The following LAT2 variants were observed in gnomAD, a reference collection of about 807,000 sequenced individuals.
LAT2 encodes the protein linker for activation of T cells family member 2, also known as linker for activation of T-cells family member 2.
Under a neutral mutation model 43.4 loss-of-function variants are expected in LAT2, and 23 were observed. The ratio of observed to expected loss-of-function variants is 0.53; its 90% confidence interval spans 0.38 to 0.75. The LOEUF (loss-of-function observed/expected upper bound fraction) is 0.75, where lower values mean the gene tolerates loss of function less well. Ranked by LOEUF, LAT2 falls within the 30% of genes least tolerant of loss-of-function variation. The pLI is 0.00. For synonymous variants in LAT2, 128 were observed against 123.2 expected (o/e 1.04, Z -0.26); for missense variants, 284 against 310.2 (o/e 0.92, Z 0.64).
intron 13 of LAT2, 172 bp downstream of exon 13, chr7:74,224,932 G>C (rs1027469768): frequency 1.9e-6 from 1 of 524,746 alleles, no homozygotes; most frequent in African/African-American, 1.9e-5. Flanking sequence ...CTGTTCCTCT[G>C]TTCTGGCCAG....
At chr7:74,214,737 A>ATAT (rs1801959649) in intron 1 of LAT2, 85 bp from the exon 2 acceptor site, 1 of 102,696 alleles carries the variant, frequency 9.7e-6, no homozygotes, top group African/African-American at 4.4e-5. Context: ...AAATATATAT[A>ATAT]AAAATATATA....
chr7:74,227,630 C>A (rs961100150), intron 13 of LAT2, among the ~76,000 whole-genome samples: 1 of 152,134 alleles, frequency 6.6e-6, no homozygotes, highest in Non-Finnish European at 1.5e-5. Context: ...CCAGGAAGGA[C>A]CCAGGCACTG....
chr7:74,223,496 C>G (rs1303938590), intron 10 of LAT2, among the ~76,000 whole-genome samples: 1 of 152,094 alleles, frequency 6.6e-6, no homozygotes, highest in Non-Finnish European at 1.5e-5. Flanking sequence ...CAACAAGAAA[C>G]AAAGAAGACA....
chr7:74,212,202 C>T (rs1311421696), intron 1 of LAT2, among the ~76,000 whole-genome samples: 1 of 152,116 alleles, frequency 6.6e-6, no homozygotes, highest in Non-Finnish European at 1.5e-5. Context: ...GTCTCGGCCT[C>T]CCAGTGTTGA....
chr7:74,220,804 TCTCC>T lies in LAT2; in HGVS notation c.332+72_332+75del. 9.3e-7 allele frequency: 1 copy of T among 1,070,172 alleles called. No homozygotes were observed. Among genetic ancestry groups the T allele is most frequent in the Non-Finnish European group, 1.2e-6 (1 of 840,280 alleles). The allele number at this position is 1,070,172 out of a possible 1,614,324, so 66.3% of individuals were successfully genotyped here. On this transcript the variant is annotated intron_variant, in intron 9 of 13. Coordinates refer to ENST00000460943, the MANE Select transcript of LAT2 (RefSeq NM_032464.3). The surrounding 1 kb of genome is among the most constrained non-coding windows in gnomAD (Gnocchi z 4.5). Reference sequence around the variant, plus strand: ...GCCCCACCTCTCCCCCTGCCCCACCTCTCCCCCTGCCCCACCTGCCTGCCACAGC... The same window carrying T: ...GCCCCACCTCTCCCCCTGCCCCACCTCCCTGCCCCACCTGCCTGCCACAGC...
rs1554715744 is a variant in LAT2 at position 74,224,203 on chromosome 7, T to C, written c.628+6T>C. ...CGAGTCCAGGAAGGTCATGGGTAGG[T>C]GGCCGGGAGAAGAGGCAGGGTGGTC... On this transcript the variant is annotated splice_donor_region_variant and intron_variant, in intron 12 of 13. Transcript: ENST00000460943. 1.2e-6 allele frequency: 2 copies of C among 1,612,024 alleles called. No homozygotes were observed. Among genetic ancestry groups the C allele is most frequent in the Admixed American group, 1.7e-5 (1 of 60,004 alleles).
intron 10 of LAT2, among the ~76,000 whole-genome samples, chr7:74,222,853 G>GT (rs1554715517): frequency 3.3e-5 from 5 of 152,166 alleles, no homozygotes; most frequent in Non-Finnish European, 5.9e-5. Context: ...GGGATTACAG[G>GT]CATGAGCCAC....
chr7:74,225,150 TG>T (rs1368121682), intron 13 of LAT2: 18 of 161,776 alleles, frequency 1.1e-4, no homozygotes, highest in Non-Finnish European at 2.2e-4. Context: ...CCCGGCACTT[TG>T]GGAGGCCGAG....
intron 5 of LAT2, 70 bp from the exon 6 acceptor site, chr7:74,219,890 G>A: frequency 1.2e-6 from 2 of 1,612,178 alleles, no homozygotes; most frequent in East Asian, 2.2e-5. Flanking sequence ...CCTGATGTGG[G>A]GGGATGATGG....
At chr7:74,214,609 T>TGA (rs1801936767) in intron 1 of LAT2, among the ~76,000 whole-genome samples, 1 of 1,030 alleles carries the variant, frequency 9.7e-4, no homozygotes, top group Admixed American at 0.025. Flanking sequence ...AAAATATATA[T>TGA]AAATATATAT....
intron 10 of LAT2, 142 bp downstream of exon 10, chr7:74,221,834 G>A: frequency 1.6e-6 from 1 of 638,468 alleles, no homozygotes; most frequent in Non-Finnish European, 2.7e-6. Flanking sequence ...GGAGGCTGGT[G>A]CTGCAGGCGG....
At chr7:74,217,313 C>T (rs1802080515) in intron 4 of LAT2, among the ~76,000 whole-genome samples, 1 of 152,122 alleles carries the variant, frequency 6.6e-6, no homozygotes, top group South Asian at 2.1e-4. Flanking sequence ...TCCCTCTACT[C>T]CCAGCTACTC....
chr7:74,227,371 CACA>C (rs1450401791), intron 13 of LAT2, among the ~76,000 whole-genome samples: 2 of 151,984 alleles, frequency 1.3e-5, no homozygotes, highest in Non-Finnish European at 2.9e-5. Context: ...AGGCACACGC[CACA>C]ACACCTGGCT....
intron 13 of LAT2, among the ~76,000 whole-genome samples, chr7:74,228,629 C>CAA (rs1201432512): frequency 6.5e-4 from 51 of 78,068 alleles, no homozygotes; most frequent in African/African-American, 2.0e-3. Context: ...ACTAAAAATA[C>CAA]AAAAAAAAAA....
rs782217957 is a variant in LAT2, at chr7:74,220,252, A to T, written c.263A>T (p.Glu88Val). 1.9e-6 allele frequency: 3 copies of T among 1,611,392 alleles called. No individual in the cohort carries two copies. Among genetic ancestry groups the T allele is most frequent in the Non-Finnish European group, 2.5e-6 (3 of 1,178,356 alleles). Reference sequence around the variant, plus strand: ...CTGTTGCAATTCTACCCCAGCCTGGAGGGTGAGTGGCACAGGGCAGGGACA... The same window carrying T: ...CTGTTGCAATTCTACCCCAGCCTGGTGGGTGAGTGGCACAGGGCAGGGACA... ...DKLLQFYPSLEDPASSRYQNF... is the reference protein window; with the variant it reads ...DKLLQFYPSLVDPASSRYQNF... The change falls in exon 7 of 14, where the codon GAG becomes GTG. Residue 88 changes from glutamate (E) to valine (V), a missense_variant and splice_region_variant. Glu to Val is a moderately radical substitution (Grantham distance 121). Coordinates refer to ENST00000460943, the MANE Select transcript of LAT2 (RefSeq NM_032464.3). This position sits in a 1 kb window ranked among gnomAD's most constrained non-coding sequence, Gnocchi z 4.5.
At chr7:74,222,666 C>T (rs180739889) in intron 10 of LAT2, among the ~76,000 whole-genome samples, 5 of 152,010 alleles carry the variant, frequency 3.3e-5, no homozygotes, top group South Asian at 2.1e-4. Flanking sequence ...CTCCGCCTCC[C>T]GGGTTCAAGC....
intron 1 of LAT2, 133 bp from the exon 2 acceptor site, chr7:74,214,689 T>TAATATATATAAATATATATATGAAAAC (rs1801950755): frequency 4.2e-5 from 3 of 70,630 alleles, no homozygotes; most frequent in Non-Finnish European, 7.3e-5. Context: ...TATATGAAAA[T>TAATATATATAAATATATATATGAAAAC]AATATATATA....
In LAT2 at chr7:74,220,551, G is replaced by A; in HGVS notation, c.266-33G>A. On this transcript the variant is annotated intron_variant, in intron 7 of 13. Coordinates refer to ENST00000460943, the MANE Select transcript of LAT2 (RefSeq NM_032464.3). This position sits in a 1 kb window ranked among gnomAD's most constrained non-coding sequence, Gnocchi z 4.5. ...GAGCTGGGTGCAAAGCAGGGGCCAGGGGAGAAAGCAATTAGCTGGGTCTTT... is the reference window on the plus strand; with the variant it reads ...GAGCTGGGTGCAAAGCAGGGGCCAGAGGAGAAAGCAATTAGCTGGGTCTTT... 6.2e-7 allele frequency: 1 copy of A among 1,613,692 alleles called. No homozygotes were observed. The highest frequency in any genetic ancestry group is 2.2e-5 in the East Asian group (1 of 44,880).
chr7:74,228,560 C>T (rs376897647), intron 13 of LAT2, among the ~76,000 whole-genome samples: 13 of 147,500 alleles, frequency 8.8e-5, no homozygotes, highest in East Asian at 2.0e-4. Flanking sequence ...CCGAGGTGGG[C>T]GGATCACGAG....
Sources: allele counts gnomAD v4.1 joint callset (sites outside exome capture counted in the v4.1 genomes callset), GRCh38; gene constraint gnomAD v4.1.1; non-coding constraint Gnocchi (gnomAD v3.1); transcripts MANE v1.5; gene names NCBI Gene and HGNC (gene_info 2026-07-23, HGNC 2026-07-21).